Variants in CAND2 observed in about 807,000 individuals in gnomAD.
The protein encoded by CAND2 is cullin associated and neddylation dissociated 2 (putative).
In CAND2, 62 loss-of-function variants were observed where a neutral mutation model predicts 98.9. The observed-to-expected ratio is 0.63, with a 90% CI of 0.51 to 0.77. The LOEUF is 0.77. Among genes scored for constraint, CAND2 ranks in the 30% least tolerant of loss-of-function variants. The pLI is 0.00. For synonymous variants in CAND2, 770 were observed against 731.9 expected, an observed-to-expected ratio of 1.05 and a Z score of -0.84; for missense variants, 1,501 against 1,655.2, an observed-to-expected ratio of 0.91 and a Z score of 1.62.
At chr3:12,799,093 C>T (rs1249763265) in intron 1 of CAND2, among the ~76,000 whole-genome samples, 2 of 152,202 alleles carry the variant, frequency 1.3e-5, no homozygotes, top group Middle Eastern at 3.2e-3. Context: ...TTCTTGAAAA[C>T]ACAGTAGTAT....
intron 11 of CAND2, among the ~76,000 whole-genome samples, chr3:12,823,524 C>T (rs1018561327): frequency 2.6e-5 from 4 of 151,964 alleles, no homozygotes; most frequent in African/African-American, 4.8e-5. Context: ...GTCAGGAGAT[C>T]GAGACCATCC....
intron 10 of CAND2, among the ~76,000 whole-genome samples, chr3:12,818,756 A>G (rs955040096): frequency 2.0e-5 from 3 of 152,288 alleles, no homozygotes; most frequent in Admixed American, 2.0e-4. Flanking sequence ...TGCTGTTGTT[A>G]CTAGGTAGGT....
Position 12,827,597 on chromosome 3 carries a change from A to T in CAND2, c.3368A>T (p.Asp1123Val). ...HVEDGLKDHY[D>V]IRMLTFIMVA... The stretch of plus-strand genomic sequence containing the variant: ...GAGGACGGGCTGAAGGACCACTACG[A>T]CATCCGGGTAAGACCAAGCCCCCTG... The change falls in exon 13 of 15, where the codon GAC (aspartate) becomes GTC (valine). Residue 1123 changes from aspartate (D) to valine (V), a missense_variant. Asp to Val is a radical substitution (Grantham distance 152, BLOSUM62 -3). Around this residue, in one of 3 missense-constraint regions of CAND2, gnomAD observed 1,427 missense variants for 1,545.3 expected, o/e 0.92. Transcript: ENST00000456430. 1 of 1,610,314 alleles carries T rather than the reference A, an allele frequency of 6.2e-7. No individual in the cohort carries two copies. The highest frequency in any genetic ancestry group is 8.5e-7 in the Non-Finnish European group (1 of 1,178,004).
intron 12 of CAND2, among the ~76,000 whole-genome samples, chr3:12,826,876 G>T (rs1288910235): frequency 1.3e-5 from 2 of 149,002 alleles, no homozygotes; most frequent in Non-Finnish European, 3.0e-5. Context: ...TGTCACCCAG[G>T]CTGGAGTGCA....
intron 1 of CAND2, among the ~76,000 whole-genome samples, chr3:12,800,333 G>T (rs75607525): frequency 0.013 from 1,905 of 152,342 alleles, 42 homozygotes; most frequent in African/African-American, 0.044. Flanking sequence ...GTCTGAGTCT[G>T]CACAGATGAG....
At chr3:12,807,213 G>A (rs559665038) in intron 2 of CAND2, 93 bp from the exon 3 acceptor site, 322 of 1,205,452 alleles carry the variant, frequency 2.7e-4, no homozygotes, top group Non-Finnish European at 3.3e-4. Context: ...TCCTCAGCAC[G>A]TGTGGCCGCA....
intron 1 of CAND2, among the ~76,000 whole-genome samples, chr3:12,801,213 T>C (rs536163835): frequency 1.6e-4 from 25 of 152,120 alleles, no homozygotes; most frequent in South Asian, 1.2e-3. Flanking sequence ...AATTTTTGTA[T>C]TTTTAATAGA....
In CAND2 at chr3:12,813,056, G is replaced by T; in HGVS notation, c.824G>T (p.Arg275Leu). Residue 275 changes from arginine (R) to leucine (L), a missense_variant, in exon 6 of 15, where the codon CGG becomes CTG. By Grantham distance (102) the Arg-to-Leu change is moderately radical. Transcript: ENST00000456430. ...TGCAACCTGGATGATGATGAGCTCC[G>T]GGAGTCCTGCCTCCAGGCTTTTGAG... The part of the protein sequence containing the change: ...DFCNLDDDEL[R>L]ESCLQAFEAF... The T allele has an allele frequency of 6.3e-7, 1 of 1,583,506 alleles. No homozygotes were observed. The highest frequency in any genetic ancestry group is 1.3e-5 in the African/African-American group (1 of 74,846).
chr3:12,828,476 T>G (rs923009389), intron 13 of CAND2, among the ~76,000 whole-genome samples: 3 of 151,712 alleles, frequency 2.0e-5, no homozygotes, highest in African/African-American at 7.3e-5. Context: ...TAGCTGGGAC[T>G]ACAGGTGCCC....
intron 2 of CAND2, 128 bp downstream of exon 2, chr3:12,803,759 C>A (rs759022808): frequency 1.3e-6 from 1 of 753,874 alleles, no homozygotes; most frequent in Non-Finnish European, 2.0e-6. Flanking sequence ...TTGAATGGTA[C>A]CTTAGTCTGA....
In CAND2 at chr3:12,817,235, G is replaced by A. The variant is rs751873075; in HGVS notation, c.2303G>A (p.Arg768His). 16 of 1,613,678 alleles carry A rather than the reference G, an allele frequency of 9.9e-6. No individual in the cohort carries two copies. The highest frequency in any genetic ancestry group is 6.7e-5 in the East Asian group (3 of 44,894). The part of the protein sequence containing the change: ...EGFLQALVGT[R>H]PPCVDYAKLI... Reference sequence around the variant, plus strand: ...TTCCTGCAGGCCCTGGTAGGGACCCGTCCCCCGTGTGTGGACTATGCCAAA... The same window carrying A: ...TTCCTGCAGGCCCTGGTAGGGACCCATCCCCCGTGTGTGGACTATGCCAAA... Residue 768 changes from arginine (R) to histidine (H), a missense_variant, in exon 10 of 15, where the codon CGT (arginine) becomes CAT (histidine). Transcript: ENST00000456430.
intron 11 of CAND2, among the ~76,000 whole-genome samples, chr3:12,824,835 G>A (rs756781255): frequency 6.6e-6 from 1 of 151,616 alleles, no homozygotes; most frequent in Non-Finnish European, 1.5e-5. Flanking sequence ...TTGAACCTGA[G>A]AGGTGGAGGT....
chr3:12,815,192 G>A lies in CAND2; in HGVS notation c.1058G>A (p.Arg353Gln), dbSNP rs770572224. Residue 353 changes from arginine to glutamine, a missense_variant, in exon 8 of 15, where the codon CGG becomes CAG. Arg to Gln is a conservative substitution (Grantham distance 43, BLOSUM62 1). Transcript: ENST00000456430. The surrounding 1 kb of genome is among the most constrained non-coding windows in gnomAD (Gnocchi z 5.7). ...DDDDMSWKVR[R>Q]AAAKCIAALI... ...GATGACATGAGCTGGAAGGTGCGCC[G>A]GGCAGCTGCCAAGTGCATCGCAGCC... is the stretch of plus-strand genomic sequence containing the variant. 3.1e-6 allele frequency: 5 copies of A among 1,613,636 alleles called. No individual in the cohort carries two copies. Among genetic ancestry groups the A allele is most frequent in the South Asian group, 1.1e-5 (1 of 91,074 alleles).
intron 10 of CAND2, among the ~76,000 whole-genome samples, chr3:12,819,384 G>A (rs1039955581): frequency 6.6e-6 from 1 of 152,266 alleles, no homozygotes; most frequent in African/African-American, 2.4e-5. Context: ...AGGGAGCAAA[G>A]GGGGCGAGCC....
In CAND2 at chr3:12,833,914, G is replaced by A; in HGVS notation, c.3643G>A (p.Ala1215Thr). 3.1e-6 allele frequency: 5 copies of A among 1,614,190 alleles called. No individual in the cohort carries two copies. The highest frequency in any genetic ancestry group is 2.5e-6 in the Non-Finnish European group (3 of 1,180,030). ...SQIRSNPELA[A>T]LFESIQKDSA... is the part of the protein sequence containing the mutation. The stretch of plus-strand genomic sequence containing the variant: ...AATCAGATCCAACCCTGAACTTGCT[G>A]CCCTCTTTGAAAGCATCCAGAAGGA... Residue 1215 changes from alanine to threonine, a missense_variant, in exon 15 of 15, where the codon GCC (alanine) becomes ACC (threonine). Ala to Thr is a moderately conservative substitution (Grantham distance 58). Transcript: ENST00000456430.
chr3:12,812,911 A>C (rs2061864650), intron 5 of CAND2, 79 bp from the exon 6 acceptor site: 1 of 850,150 alleles, frequency 1.2e-6, no homozygotes, highest in South Asian at 1.5e-5. Flanking sequence ...GCAGGTGCAT[A>C]GACAGTCTGA....
chr3:12,831,336 G>A, intron 13 of CAND2, 129 bp from the exon 14 acceptor site: 1 of 718,184 alleles, frequency 1.4e-6, no homozygotes. Context: ...AGAGACTCTG[G>A]CAGGACTTCA....
Position 12,807,174 on chromosome 3 carries a change from A to G in CAND2, c.213-132A>G, listed in dbSNP as rs926234618. On this transcript the variant is annotated intron_variant, in intron 2 of 14. Coordinates refer to ENST00000456430, the MANE Select transcript of CAND2 (RefSeq NM_001162499.2). ...AGAGAGTATCTCTTTCTGGCCAAAC[A>G]GGGGCTCCCCTGATGATCTGAGGCC... The G allele has an allele frequency of 6.5e-6, 5 of 766,218 alleles. No homozygotes were observed. The African/African-American group carries it at 7.1e-5, about 11-fold the overall frequency. The allele number at this position is 766,218 out of a possible 1,614,324, so 47.5% of individuals were successfully genotyped here. A position where few individuals can be genotyped will look rare whatever the true frequency, so the allele number is the denominator to read the frequency against.
At position 12,827,528 on chromosome 3, in the gene CAND2, G is replaced by A; in HGVS notation, c.3299G>A (p.Ser1100Asn). The change falls in exon 13 of 15, where the codon AGC becomes AAC. Residue 1100 changes from serine (S) to asparagine (N), a missense_variant. This residue lies in a region of CAND2 where 1,427 missense variants were observed against 1,545.3 expected (regional missense o/e 0.92). Transcript: ENST00000456430. ...AFECMYSLLE[S>N]CLGQLDICEF... is the part of the protein sequence containing the mutation. ...GAATGCATGTATTCACTGCTTGAGA[G>A]CTGCCTGGGCCAGCTGGATATCTGT... The A allele has an allele frequency of 6.2e-7, 1 of 1,614,132 alleles. No individual in the cohort carries two copies.
Sources: gnomAD v4.1 joint callset for allele counts (sites outside exome capture counted in the v4.1 genomes callset) on GRCh38, gnomAD v4.1.1 for gene constraint, gnomAD v4.1.1 regional missense constraint, Gnocchi (gnomAD v3.1) non-coding constraint, MANE v1.5 for transcripts, NCBI Gene and HGNC (gene_info 2026-07-23, HGNC 2026-07-21) for gene names.